Variants in SV2C observed in about 807,000 individuals in gnomAD.
SV2C encodes the protein solute carrier family 22 member B3.
Under a neutral mutation model 79.7 loss-of-function variants are expected in SV2C, and 49 were observed. That is an observed-to-expected ratio of 0.61 (90% CI 0.49 to 0.78). The LOEUF (loss-of-function observed/expected upper bound fraction) is 0.78. Ranked by LOEUF, SV2C falls within the 30% of genes least tolerant of loss-of-function variation. The pLI is 0.00. For missense variants in SV2C, 833 were observed against 912.9 expected (o/e 0.91, Z 1.13); for synonymous variants, 334 against 333.2 (o/e 1.00, Z -0.03).
At chr5:76,111,236 T>A (rs950822972) in intron 1 of SV2C, among the ~76,000 whole-genome samples, 4 of 152,092 alleles carry the variant, frequency 2.6e-5, no homozygotes, top group Admixed American at 6.5e-5. Flanking sequence ...ATCTATCAGA[T>A]CTGTCTGCTC....
the SV2C span, among the ~76,000 whole-genome samples, chr5:75,876,620 C>T: frequency 1.4e-4 from 21 of 151,900 alleles, no homozygotes; most frequent in South Asian, 8.3e-4. Context: ...ATAATAACAA[C>T]GGGGTATAGT....
intron 6 of SV2C, among the ~76,000 whole-genome samples, chr5:76,290,190 A>C (rs1029379425): frequency 2.0e-5 from 3 of 152,188 alleles, no homozygotes; most frequent in African/African-American, 7.2e-5. Flanking sequence ...TTTAACTCAG[A>C]GATTATTTTT....
intron 2 of SV2C, among the ~76,000 whole-genome samples, chr5:76,142,144 A>G (rs557016077): frequency 5.1e-4 from 77 of 152,336 alleles, no homozygotes; most frequent in South Asian, 4.1e-3. Context: ...TCTAACACAC[A>G]TATTTGCAAA....
intron 8 of SV2C, among the ~76,000 whole-genome samples, chr5:76,294,355 G>A (rs940014857): frequency 1.5e-4 from 21 of 142,456 alleles, no homozygotes; most frequent in African/African-American, 4.2e-4. Context: ...AGGCTGGAGT[G>A]CATTGGCACG....
At chr5:76,054,075 C>T in the SV2C span, among the ~76,000 whole-genome samples, 12 of 151,878 alleles carry the variant, frequency 7.9e-5, no homozygotes, top group African/African-American at 2.9e-4. Context: ...TTGCTGCAGC[C>T]GTCAACCCGG....
chr5:75,984,598 C>CTACCTATCTAT, the SV2C span, among the ~76,000 whole-genome samples: 1 of 82,430 alleles, frequency 1.2e-5, no homozygotes, highest in Non-Finnish European at 3.2e-5. Context: ...TATCTATCTA[C>CTACCTATCTAT]CTATCTATCT....
chr5:75,990,598 A>T, the SV2C span, among the ~76,000 whole-genome samples: 1,422 of 152,050 alleles, frequency 9.4e-3, 38 homozygotes, highest in African/African-American at 0.032. Flanking sequence ...GTGAAGGGGA[A>T]GGACTAGGAG....
the SV2C span, among the ~76,000 whole-genome samples, chr5:75,856,338 A>G: frequency 5.5e-4 from 84 of 152,212 alleles, no homozygotes; most frequent in African/African-American, 1.9e-3. Flanking sequence ...TGGTAACTCA[A>G]TTTTTAGTTT....
chr5:75,864,470 A>G, the SV2C span, among the ~76,000 whole-genome samples: 1 of 152,140 alleles, frequency 6.6e-6, no homozygotes, highest in South Asian at 2.1e-4. Context: ...CCAGAGACAG[A>G]ATTTTTCTGC....
At position 76,313,037 on chromosome 5, in the gene SV2C, G is replaced by A. The variant is rs578154333; in HGVS notation, c.2000+11492G>A. Among the ~76,000 whole-genome samples, 9 of 152,250 alleles carry A rather than the reference G, an allele frequency of 5.9e-5. No individual in the cohort carries two copies. The South Asian group carries it at 1.7e-3, about 28-fold the overall frequency. ...TGGATCTCTTACTGACCAGCTGTGC[G>A]ACCTCAGGGACACCACTCAGCCTAG... is the stretch of plus-strand genomic sequence containing the variant. On this transcript the variant is annotated intron_variant, in intron 12 of 12. Transcript: ENST00000502798.
chr5:76,018,529 T>C, the SV2C span, among the ~76,000 whole-genome samples: 1 of 152,232 alleles, frequency 6.6e-6, no homozygotes, highest in Non-Finnish European at 1.5e-5. Flanking sequence ...AACAGAGATA[T>C]GTGCAAGATA....
intron 4 of SV2C, chr5:76,242,355 G>C (rs1745815473): frequency 7.9e-7 from 1 of 1,267,894 alleles, no homozygotes; most frequent in African/African-American, 1.5e-5. Flanking sequence ...GCGGCGCGCG[G>C]GCTTTGGTCG....
At chr5:76,265,115 C>T (rs977467251) in intron 4 of SV2C, among the ~76,000 whole-genome samples, 1 of 152,218 alleles carries the variant, frequency 6.6e-6, no homozygotes, top group Non-Finnish European at 1.5e-5. Flanking sequence ...AAGCCCCTAA[C>T]TGGGGCTGCT....
chr5:76,140,548 A>G (rs563797462), intron 2 of SV2C, among the ~76,000 whole-genome samples: 1 of 152,284 alleles, frequency 6.6e-6, no homozygotes, highest in South Asian at 2.1e-4. Flanking sequence ...ATTTTCCACT[A>G]GACTGCAGGT....
At chr5:76,078,910 C>A, upstream of SV2C, 1 of 555,526 alleles carries the variant, frequency 1.8e-6, no homozygotes, top group Non-Finnish European at 3.6e-6. Context: ...TGATGACTTG[C>A]AGGGCAAAGA....
At chr5:75,977,412 C>A in the SV2C span, among the ~76,000 whole-genome samples, 1 of 152,338 alleles carries the variant, frequency 6.6e-6, no homozygotes, top group South Asian at 2.1e-4. Flanking sequence ...TTTCTTCAGC[C>A]TTCTCTTGCC....
At chr5:76,185,800 T>C (rs549932499) in intron 2 of SV2C, among the ~76,000 whole-genome samples, 67 of 152,350 alleles carry the variant, frequency 4.4e-4, no homozygotes, top group African/African-American at 1.6e-3. Context: ...CCCATTGTCC[T>C]GGTGATTCAA....
At chr5:75,957,238 T>A in the SV2C span, among the ~76,000 whole-genome samples, 3 of 152,026 alleles carry the variant, frequency 2.0e-5, no homozygotes, top group African/African-American at 7.2e-5. Flanking sequence ...CTGAGTAGAA[T>A]GGTAGAGATT....
At chr5:76,196,678 C>G (rs1304807111) in intron 3 of SV2C, among the ~76,000 whole-genome samples, 2 of 152,186 alleles carry the variant, frequency 1.3e-5, no homozygotes, top group African/African-American at 2.4e-5. Context: ...TATAATAAAA[C>G]CACTAGCCTG....
Sources: gnomAD v4.1 joint callset for allele counts (sites outside exome capture counted in the v4.1 genomes callset) on GRCh38, gnomAD v4.1.1 for gene constraint, MANE v1.5 for transcripts, NCBI Gene and HGNC (gene_info 2026-07-23, HGNC 2026-07-21) for gene names.